Variants in DENND1A observed in about 807,000 individuals in gnomAD.
The protein encoded by DENND1A is DENN domain-containing protein 1A.
A neutral mutation model predicts 113.7 loss-of-function variants in DENND1A; 51 were observed. The ratio of observed to expected loss-of-function variants is 0.45; its 90% confidence interval spans 0.36 to 0.57. The LOEUF (loss-of-function observed/expected upper bound fraction) is 0.57, where lower values mean the gene tolerates loss of function less well. Ranked by LOEUF, DENND1A falls within the 20% of genes least tolerant of loss-of-function variation. The pLI, the probability that DENND1A is intolerant of heterozygous loss-of-function variation, is 0.00. For missense variants in DENND1A, 1,258 were observed against 1,395.9 expected (o/e 0.90, Z 1.57); for synonymous variants, 565 against 570.8 (o/e 0.99, Z 0.14).
intron 19 of DENND1A, among the ~76,000 whole-genome samples, chr9:123,433,830 G>A (rs561865277): frequency 6.6e-6 from 1 of 152,222 alleles, no homozygotes; most frequent in African/African-American, 2.4e-5. Context: ...TCCCCTGACT[G>A]CTTTCCCCAC....
At chr9:123,893,575 G>T (rs756020595) in intron 1 of DENND1A, among the ~76,000 whole-genome samples, 1 of 152,024 alleles carries the variant, frequency 6.6e-6, no homozygotes, top group Non-Finnish European at 1.5e-5. Flanking sequence ...ATATACATTT[G>T]TCACTTATTG....
intron 1 of DENND1A, among the ~76,000 whole-genome samples, chr9:123,889,593 CAGAA>C (rs1564452442): frequency 6.6e-6 from 1 of 152,058 alleles, no homozygotes; most frequent in African/African-American, 2.4e-5. Context: ...ATTGTGCAGT[CAGAA>C]AGAAATTCTC....
chr9:123,382,610 C>T lies in DENND1A; in HGVS notation c.2035G>A (p.Gly679Arg), dbSNP rs756967284. 6.2e-5 allele frequency: 100 copies of T among 1,613,862 alleles called. No individual in the cohort carries two copies. Among genetic ancestry groups the T allele is most frequent in the Non-Finnish European group, 6.9e-5 (81 of 1,180,000 alleles). Residue 679 changes from glycine (G) to arginine (R), a missense_variant, in exon 24 of 24, where the codon GGG becomes AGG. By Grantham distance (125) the Gly-to-Arg change is moderately radical. Coordinates refer to ENST00000394215, the MANE Select transcript of DENND1A (RefSeq NM_001352964.2). ...GTCACCCCGCGGCTCCTCTCACTCC[C>T]GCCCAGATCCAGCCTCTGTTGGGAG... ...TFDYQRLDLG[G>R]SERSRGVTVA... is the part of the protein sequence containing the mutation.
At chr9:123,490,951 G>T (rs987059953) in intron 13 of DENND1A, among the ~76,000 whole-genome samples, 1 of 152,234 alleles carries the variant, frequency 6.6e-6, no homozygotes, top group Non-Finnish European at 1.5e-5. Context: ...CCACTGCACT[G>T]TGTTCTCAAC....
intron 10 of DENND1A, among the ~76,000 whole-genome samples, chr9:123,620,419 A>T (rs2138199444): frequency 6.6e-6 from 1 of 152,118 alleles, no homozygotes; most frequent in Middle Eastern, 3.4e-3. Flanking sequence ...CTCCTCATGT[A>T]CAGCAATGTT....
At chr9:123,426,002 G>A (rs1419751044) in intron 19 of DENND1A, among the ~76,000 whole-genome samples, 1 of 152,244 alleles carries the variant, frequency 6.6e-6, no homozygotes, top group Non-Finnish European at 1.5e-5. Flanking sequence ...AGAGAAGAAG[G>A]GACTCTGCCC....
At chr9:123,398,322 G>A (rs551520229) in intron 21 of DENND1A, among the ~76,000 whole-genome samples, 108 of 152,288 alleles carry the variant, frequency 7.1e-4, no homozygotes, top group African/African-American at 2.5e-3. Context: ...TGAGGGGCCC[G>A]GCGGCTCAGA....
At chr9:123,529,220 A>G (rs2055096020) in intron 13 of DENND1A, among the ~76,000 whole-genome samples, 1 of 152,138 alleles carries the variant, frequency 6.6e-6, no homozygotes, top group Admixed American at 6.5e-5. Flanking sequence ...ATGAGGACCT[A>G]AAAAATGTTA....
chr9:123,556,934 T>C (rs1210792207), intron 13 of DENND1A, among the ~76,000 whole-genome samples: 1 of 152,182 alleles, frequency 6.6e-6, no homozygotes, highest in East Asian at 1.9e-4. Flanking sequence ...AGTCACTTCC[T>C]GAGGCAGGCA....
At chr9:123,891,801 G>A (rs1023420319) in intron 1 of DENND1A, among the ~76,000 whole-genome samples, 9 of 152,208 alleles carry the variant, frequency 5.9e-5, no homozygotes, top group African/African-American at 1.9e-4. Context: ...AAATTCCATC[G>A]ATCCATCCAT....
intron 13 of DENND1A, among the ~76,000 whole-genome samples, chr9:123,462,666 G>A (rs933313824): frequency 1.3e-5 from 2 of 152,084 alleles, no homozygotes; most frequent in Admixed American, 1.3e-4. Context: ...GCGTGTTGGC[G>A]CACGCCTGTA....
chr9:123,517,990 AT>A (rs1471706894), intron 13 of DENND1A, among the ~76,000 whole-genome samples: 2 of 152,116 alleles, frequency 1.3e-5, no homozygotes, highest in Non-Finnish European at 1.5e-5. Context: ...TCAGAAAAAA[AT>A]ATATATTATT....
intron 2 of DENND1A, among the ~76,000 whole-genome samples, chr9:123,851,417 T>C (rs1843343770): frequency 6.6e-6 from 1 of 152,212 alleles, no homozygotes; most frequent in African/African-American, 2.4e-5. Flanking sequence ...TTTACTCCTT[T>C]CTAGCCTCTC....
At chr9:123,805,576 G>A in intron 2 of DENND1A, among the ~76,000 whole-genome samples, 1 of 151,768 alleles carries the variant, frequency 6.6e-6, no homozygotes. Context: ...TGGGATTACA[G>A]GCGCCTGCCA....
At chr9:123,721,921 C>T (rs1043075618) in intron 5 of DENND1A, among the ~76,000 whole-genome samples, 12 of 152,032 alleles carry the variant, frequency 7.9e-5, no homozygotes, top group African/African-American at 2.7e-4. Context: ...TGAAAAGATA[C>T]CCAAAAATGT....
chr9:123,525,761 T>TC (rs962471131), intron 13 of DENND1A, among the ~76,000 whole-genome samples: 21 of 148,652 alleles, frequency 1.4e-4, no homozygotes, highest in African/African-American at 5.2e-4. Flanking sequence ...AGTCTACCTT[T>TC]TTTTTTTTTT....
intron 1 of DENND1A, among the ~76,000 whole-genome samples, chr9:123,911,636 A>G (rs35360760): frequency 0.014 from 2,157 of 152,308 alleles, 25 homozygotes; most frequent in Middle Eastern, 0.024. Context: ...TTCCATTTAT[A>G]TGAAGTTCAA....
chr9:123,476,679 T>C (rs907131134), intron 13 of DENND1A, among the ~76,000 whole-genome samples: 5 of 152,174 alleles, frequency 3.3e-5, no homozygotes, highest in Admixed American at 6.5e-5. Context: ...GGTGGTCTAG[T>C]AGTACAAGGG....
intron 1 of DENND1A, among the ~76,000 whole-genome samples, chr9:123,917,631 T>C (rs2134109327): frequency 6.6e-6 from 1 of 152,230 alleles, no homozygotes; most frequent in Middle Eastern, 3.4e-3. Flanking sequence ...CTAGAAATTA[T>C]GACTGACCTG....
Sources: allele counts gnomAD v4.1 joint callset (sites outside exome capture counted in the v4.1 genomes callset), GRCh38; gene constraint gnomAD v4.1.1; transcripts MANE v1.5; gene names NCBI Gene and HGNC (gene_info 2026-07-23, HGNC 2026-07-21).